The following NAALADL2 variants were observed in gnomAD, a reference collection of about 807,000 sequenced individuals.
NAALADL2 encodes inactive N-acetylated-alpha-linked acidic dipeptidase-like protein 2.
A neutral mutation model predicts 87.2 loss-of-function variants in NAALADL2; 76 were observed. The observed-to-expected ratio is 0.87, with a 90% CI of 0.72 to 1.05. The LOEUF is 1.05. Ranked by LOEUF, NAALADL2 falls within the 50% of genes least tolerant of loss-of-function variation. The pLI is 0.00. For missense variants in NAALADL2, 1,089 were observed against 945.8 expected (o/e 1.15, Z -1.99); for synonymous variants, 354 against 331.0 (o/e 1.07, Z -0.75).
At chr3:175,787,626 A>T (rs922441900) in intron 13 of NAALADL2, among the ~76,000 whole-genome samples, 2 of 152,084 alleles carry the variant, frequency 1.3e-5, no homozygotes, top group African/African-American at 2.4e-5. Flanking sequence ...CTCCCTAGTG[A>T]GATGAACCCG....
chr3:175,452,781 G>A (rs905833268), intron 6 of NAALADL2, among the ~76,000 whole-genome samples: 1 of 152,098 alleles, frequency 6.6e-6, no homozygotes, highest in Admixed American at 6.6e-5. Context: ...TGGACAAAAG[G>A]AAAAAGAGCT....
chr3:174,558,957 A>C (rs1713223288), intron 2 of NAALADL2, among the ~76,000 whole-genome samples: 1 of 152,152 alleles, frequency 6.6e-6, no homozygotes. Flanking sequence ...TTGCCTTTCA[A>C]ATCTGATCAA....
At chr3:175,557,463 C>T (rs929206215) in intron 9 of NAALADL2, among the ~76,000 whole-genome samples, 1 of 151,930 alleles carries the variant, frequency 6.6e-6, no homozygotes. Context: ...CTATAGTCAC[C>T]CCATTGTGCT....
At chr3:174,544,045 A>G (rs1005764709) in intron 1 of NAALADL2, among the ~76,000 whole-genome samples, 1 of 151,802 alleles carries the variant, frequency 6.6e-6, no homozygotes, top group African/African-American at 2.4e-5. Context: ...TTAAAATGAA[A>G]CAAAACAAAA....
chr3:175,620,631 G>C (rs755874399), intron 10 of NAALADL2, among the ~76,000 whole-genome samples: 1 of 152,158 alleles, frequency 6.6e-6, no homozygotes, highest in Non-Finnish European at 1.5e-5. Flanking sequence ...CGAGCAGGAG[G>C]GGGTGTGTTA....
intron 2 of NAALADL2, among the ~76,000 whole-genome samples, chr3:174,641,080 G>C (rs1427721647): frequency 1.3e-5 from 2 of 152,176 alleles, no homozygotes; most frequent in Admixed American, 1.3e-4. Context: ...TAATCAGAAG[G>C]GAGATTGACC....
chr3:174,895,647 G>C (rs1467223855), intron 1 of NAALADL2, among the ~76,000 whole-genome samples: 2 of 152,238 alleles, frequency 1.3e-5, no homozygotes, highest in East Asian at 1.9e-4. Context: ...CTCAAGAAGA[G>C]AGGAGGAGGA....
intron 11 of NAALADL2, among the ~76,000 whole-genome samples, chr3:175,722,490 T>C (rs1436298246): frequency 2.6e-5 from 4 of 152,140 alleles, no homozygotes; most frequent in Admixed American, 2.6e-4. Flanking sequence ...TTAAATAAGT[T>C]GAATAAATGG....
At chr3:175,338,612 A>C (rs1449349469) in intron 5 of NAALADL2, among the ~76,000 whole-genome samples, 2 of 93,382 alleles carry the variant, frequency 2.1e-5, no homozygotes, top group African/African-American at 6.9e-5. Context: ...AAAAAAAAAA[A>C]AACACCACAA....
rs9823819 is a variant in NAALADL2, at chr3:174,642,538, C to T, written c.-115+91901C>T. Among the ~76,000 whole-genome samples the T allele has an allele frequency of 6.7e-3, 1,001 of 149,444 alleles. 12 individuals carry two copies. Among genetic ancestry groups the T allele is most frequent in the African/African-American group, 0.023 (946 of 40,636 alleles). On this transcript the variant is annotated intron_variant, in intron 2 of 3. Transcript: ENST00000434257. The stretch of plus-strand genomic sequence containing the variant: ...AAAAAAAAAAAAAAGCATGTTGCCA[C>T]ACAGGGTATCTATCCCACAATCTAG...
At chr3:174,778,705 A>G (rs944060157) in intron 3 of NAALADL2, among the ~76,000 whole-genome samples, 2 of 151,876 alleles carry the variant, frequency 1.3e-5, no homozygotes, top group African/African-American at 4.8e-5. Flanking sequence ...TTCAACTCCT[A>G]CTTCTGAGTG....
At chr3:174,443,043 C>G (rs771919509) in intron 1 of NAALADL2, among the ~76,000 whole-genome samples, 2 of 152,058 alleles carry the variant, frequency 1.3e-5, no homozygotes, top group African/African-American at 2.4e-5. Flanking sequence ...TTTTAAATGT[C>G]ATAGGGGCCA....
intron 13 of NAALADL2, among the ~76,000 whole-genome samples, chr3:175,775,881 G>T (rs533382195): frequency 6.6e-6 from 1 of 152,232 alleles, no homozygotes; most frequent in South Asian, 2.1e-4. Context: ...GTGGAAAATA[G>T]CAAATAAATT....
intron 13 of NAALADL2, among the ~76,000 whole-genome samples, chr3:175,780,064 C>G (rs1046812423): frequency 6.6e-6 from 1 of 151,272 alleles, no homozygotes; most frequent in Non-Finnish European, 1.5e-5. Context: ...GTCAGTAGAT[C>G]GAGACCATCC....
chr3:175,427,512 A>C (rs1379036705), intron 5 of NAALADL2, among the ~76,000 whole-genome samples: 1 of 152,202 alleles, frequency 6.6e-6, no homozygotes, highest in East Asian at 1.9e-4. Context: ...CATATATGTT[A>C]AAAATTTAGC....
chr3:174,670,780 C>G (rs1350850965), intron 2 of NAALADL2, among the ~76,000 whole-genome samples: 2 of 152,024 alleles, frequency 1.3e-5, no homozygotes, highest in Non-Finnish European at 2.9e-5. Context: ...TGAACTGATA[C>G]TTTCTAACAC....
chr3:175,338,486 C>T (rs556596784), intron 5 of NAALADL2, among the ~76,000 whole-genome samples: 37 of 150,746 alleles, frequency 2.5e-4, no homozygotes, highest in African/African-American at 9.0e-4. Context: ...GTCCCCGTCC[C>T]TGTGAGGAAA....
chr3:174,695,002 T>C (rs1414982411), intron 2 of NAALADL2, among the ~76,000 whole-genome samples: 1 of 152,006 alleles, frequency 6.6e-6, no homozygotes, highest in Non-Finnish European at 1.5e-5. Flanking sequence ...CTAACTTGCT[T>C]AATGCTTGAA....
intron 5 of NAALADL2, among the ~76,000 whole-genome samples, chr3:175,397,817 C>A (rs964062576): frequency 1.3e-5 from 2 of 152,044 alleles, no homozygotes; most frequent in Non-Finnish European, 2.9e-5. Context: ...AGTTTCATAG[C>A]CCTTGAGAGA....
Sources: gnomAD v4.1 joint callset for allele counts (sites outside exome capture counted in the v4.1 genomes callset) on GRCh38, gnomAD v4.1.1 for gene constraint, MANE v1.5 for transcripts, NCBI Gene and HGNC (gene_info 2026-07-23, HGNC 2026-07-21) for gene names.